The following NET1 variants were observed in gnomAD, a reference collection of about 807,000 sequenced individuals.
The protein encoded by NET1 is neuroepithelial cell transforming 1.
In NET1, 42 loss-of-function variants were observed where a neutral mutation model predicts 61.1. The ratio of observed to expected loss-of-function variants is 0.69; its 90% CI spans 0.54 to 0.89. The LOEUF (loss-of-function observed/expected upper bound fraction) is 0.89, where lower values mean the gene tolerates loss of function less well. Ranked by LOEUF, NET1 falls within the 40% of genes least tolerant of loss-of-function variation. The probability of loss-of-function intolerance (pLI) is 0.00; values close to 1 mark genes in which losing one functional copy is unlikely to be tolerated. For synonymous variants in NET1, 254 were observed against 281.8 expected (o/e 0.90, Z 0.99); for missense variants, 654 against 747.3 (o/e 0.88, Z 1.46).
At position 5,431,185 on chromosome 10, in the gene NET1, T is replaced by C. The variant is rs945689478; in HGVS notation, c.255+1956T>C. On this transcript the variant is annotated intron_variant, in intron 3 of 11. Coordinates refer to ENST00000355029, the MANE Select transcript of NET1 (RefSeq NM_001047160.3). The surrounding 1 kb of genome is among the most constrained non-coding windows in gnomAD (Gnocchi z 4.9). ...CGCGCCCGGCCTTAACTATATCTCT[T>C]AAGTCTCTTTTAGTTCATTGGTTTC... Among the ~76,000 whole-genome samples the C allele has an allele frequency of 6.6e-6, 1 of 152,212 alleles. No homozygotes were observed. The highest frequency in any genetic ancestry group is 2.1e-4 in the South Asian group (1 of 4,826).
At position 5,427,462 on chromosome 10, in the gene NET1, T is replaced by G. The variant is rs532498270; in HGVS notation, c.195+741T>G. On this transcript the variant is annotated intron_variant, in intron 2 of 11. Transcript: ENST00000355029. This position sits in a 1 kb window ranked among gnomAD's most constrained non-coding sequence, Gnocchi z 4.1. ...TCCATATTAGTCCATTCCCAGGCTC[T>G]GCTCTAACCATGTCAACAGTACCAT... Among the ~76,000 whole-genome samples, 3 of 152,316 alleles carry G rather than the reference T, an allele frequency of 2.0e-5. No individual in the cohort carries two copies. In the East Asian group the frequency reaches 5.8e-4, roughly 29 times the overall value.
rs1225994522 is a variant in NET1 at position 5,458,861 on chromosome 10, T to G, written c.*1867T>G. ...CCAGAAAGCAAGATTTCTAATCATT[T>G]CCAGAGGTGTTGTATAGAATAGTTA... On this transcript the variant is annotated 3_prime_UTR_variant, in exon 12 of 12. Transcript: ENST00000355029. This position sits in a 1 kb window ranked among gnomAD's most constrained non-coding sequence, Gnocchi z 4.5. Among the ~76,000 whole-genome samples the G allele has an allele frequency of 6.6e-6, 1 of 152,208 alleles. No individual in the cohort carries two copies. Among genetic ancestry groups the G allele is most frequent in the Non-Finnish European group, 1.5e-5 (1 of 68,034 alleles).
rs985186410 is a variant in NET1, at chr10:5,449,018, A to G, written c.256-2812A>G. ...TTTTGGTTTCGGCTCACATGGGCCAATTTCTGACGTGTATTCCGAAAGACA... is the reference window on the plus strand; with the variant it reads ...TTTTGGTTTCGGCTCACATGGGCCAGTTTCTGACGTGTATTCCGAAAGACA... On this transcript the variant is annotated intron_variant, in intron 3 of 11. Transcript: ENST00000355029. This position sits in a 1 kb window ranked among gnomAD's most constrained non-coding sequence, Gnocchi z 4.4. 2.6e-5 allele frequency among the ~76,000 whole-genome samples: 4 copies of G among 152,182 alleles called. No homozygotes were observed. The highest frequency in any genetic ancestry group is 7.2e-5 in the African/African-American group (3 of 41,448).
Position 5,444,043 on chromosome 10 carries a change from A to G in NET1, c.256-7787A>G, listed in dbSNP as rs1278863261. ...TGCTGGGGTCTAGCCTAGGCTGTTC[A>G]TATTAGCTCTGAGAATGTAGGTAGA... On this transcript the variant is annotated intron_variant, in intron 3 of 11. Transcript: ENST00000355029. This position sits in a 1 kb window ranked among gnomAD's most constrained non-coding sequence, Gnocchi z 5.3. Among the ~76,000 whole-genome samples, 1 of 152,252 alleles carries G rather than the reference A, an allele frequency of 6.6e-6. No homozygotes were observed. Among genetic ancestry groups the G allele is most frequent in the Non-Finnish European group, 1.5e-5 (1 of 68,048 alleles).
chr10:5,434,383 A>G lies in NET1; in HGVS notation c.255+5154A>G, dbSNP rs532457774. ...AGAAGTATCAGTTTCAAGAGTTTAC[A>G]TGGCCCAGACTGCTCTAACACCTAT... On this transcript the variant is annotated intron_variant, in intron 3 of 11. Coordinates refer to ENST00000355029, the MANE Select transcript of NET1 (RefSeq NM_001047160.3). 2.6e-5 allele frequency among the ~76,000 whole-genome samples: 4 copies of G among 152,306 alleles called. 1 individual carries two copies. The South Asian group carries it at 8.3e-4, about 32-fold the overall frequency.
chr10:5,422,952 G>A lies in NET1; in HGVS notation c.129-3703G>A, dbSNP rs2119170442. 6.6e-6 allele frequency among the ~76,000 whole-genome samples: 1 copy of A among 152,302 alleles called. No individual in the cohort carries two copies. Among genetic ancestry groups the A allele is most frequent in the East Asian group, 1.9e-4 (1 of 5,190 alleles). ...ACCCCAAATGTAAAAAGTGTTAACT[G>A]CAGAGGATAAATTATACCATTCTTT... is the stretch of plus-strand genomic sequence containing the variant. On this transcript the variant is annotated intron_variant, in intron 1 of 11. Transcript: ENST00000355029. The surrounding 1 kb of genome is among the most constrained non-coding windows in gnomAD (Gnocchi z 4.1).
chr10:5,419,785 T>C (rs1423818359), intron 1 of NET1, among the ~76,000 whole-genome samples: 1 of 152,190 alleles, frequency 6.6e-6, no homozygotes, highest in African/African-American at 2.4e-5. Context: ...ATAATTTTGA[T>C]AGTATAGGAT....
rs561498462 is a variant in NET1, at chr10:5,447,722, C to G, written c.256-4108C>G. Among the ~76,000 whole-genome samples the G allele has an allele frequency of 6.6e-6, 1 of 152,326 alleles. No homozygotes were observed. The highest frequency in any genetic ancestry group is 1.9e-4 in the East Asian group (1 of 5,190). ...ACACACCTTTTGGTAGTTAAAATAGCTGCCGTCTTCAGGAAGTACACTTTT... is the reference window on the plus strand; with the variant it reads ...ACACACCTTTTGGTAGTTAAAATAGGTGCCGTCTTCAGGAAGTACACTTTT... On this transcript the variant is annotated intron_variant, in intron 3 of 11. Coordinates refer to ENST00000355029, the MANE Select transcript of NET1 (RefSeq NM_001047160.3). The surrounding 1 kb of genome is among the most constrained non-coding windows in gnomAD (Gnocchi z 4.1).
Position 5,446,710 on chromosome 10 carries a change from A to T in NET1, c.256-5120A>T, listed in dbSNP as rs925471891. ...CCGTGTGCCTCTGCATAGCGTCGCT[A>T]CAGCGCTGACTCGGTGTGGATTGAT... On this transcript the variant is annotated intron_variant, in intron 3 of 11. Coordinates refer to ENST00000355029, the MANE Select transcript of NET1 (RefSeq NM_001047160.3). This position sits in a 1 kb window ranked among gnomAD's most constrained non-coding sequence, Gnocchi z 5.0. 4.7e-6 allele frequency: 7 copies of T among 1,487,132 alleles called. No homozygotes were observed. Among genetic ancestry groups the T allele is most frequent in the Non-Finnish European group, 6.3e-6 (7 of 1,105,120 alleles). The allele number at this position is 1,487,132 out of a possible 1,614,324, so 92.1% of individuals were successfully genotyped here.
At chr10:5,433,748 G>A (rs1409883899) in intron 3 of NET1, among the ~76,000 whole-genome samples, 1 of 151,360 alleles carries the variant, frequency 6.6e-6, no homozygotes, top group East Asian at 1.9e-4. Flanking sequence ...ATACCTTTTG[G>A]TATTTATTGT....
At chr10:5,428,682 C>T (rs1252656725) in intron 2 of NET1, among the ~76,000 whole-genome samples, 1 of 151,312 alleles carries the variant, frequency 6.6e-6, no homozygotes, top group East Asian at 1.9e-4. Context: ...GTATCTATTC[C>T]AAAGACAATT....
rs1247369524 is a variant in NET1 at position 5,446,564 on chromosome 10, C to T, written c.256-5266C>T. 5.0e-5 allele frequency: 58 copies of T among 1,165,752 alleles called. No individual in the cohort carries two copies. The highest frequency in any genetic ancestry group is 5.5e-5 in the Non-Finnish European group (52 of 946,084). 72.2% of individuals were successfully genotyped at this position (1,165,752 alleles called of 1,614,324 possible). A position where few individuals can be genotyped will look rare whatever the true frequency, so the allele number is the denominator to read the frequency against. On this transcript the variant is annotated intron_variant, in intron 3 of 11. Coordinates refer to ENST00000355029, the MANE Select transcript of NET1 (RefSeq NM_001047160.3). This position sits in a 1 kb window ranked among gnomAD's most constrained non-coding sequence, Gnocchi z 5.0. ...CCCCCAGGGCCCGGTTGGCTGTGGC[C>T]CCGCCCCCGAGCCCTGGGGTCGGTG...
chr10:5,417,447 C>T lies in NET1; in HGVS notation c.128+4627C>T, dbSNP rs891499710. On this transcript the variant is annotated intron_variant, in intron 1 of 11. Transcript: ENST00000355029. The surrounding 1 kb of genome is among the most constrained non-coding windows in gnomAD (Gnocchi z 5.5). ...TCCTCTACGCAGCACTTCCCTGCCC[C>T]GCTTTGTATCACTTTATTTTCAGTT... is the stretch of plus-strand genomic sequence containing the variant. Among the ~76,000 whole-genome samples, 2 of 152,036 alleles carry T rather than the reference C, an allele frequency of 1.3e-5. No individual in the cohort carries two copies. The highest frequency in any genetic ancestry group is 2.9e-5 in the Non-Finnish European group (2 of 68,004).
At position 5,451,146 on chromosome 10, in the gene NET1, T is replaced by C. The variant is rs1832696351; in HGVS notation, c.256-684T>C. Among the ~76,000 whole-genome samples the C allele has an allele frequency of 6.6e-6, 1 of 152,160 alleles. No homozygotes were observed. The highest frequency in any genetic ancestry group is 6.5e-5 in the Admixed American group (1 of 15,274). ...AAGAGAAGTGCTACTTTTAGCCCCATTTTATAGATGAGAAAACTGATGCCA... is the reference window on the plus strand; with the variant it reads ...AAGAGAAGTGCTACTTTTAGCCCCACTTTATAGATGAGAAAACTGATGCCA... On this transcript the variant is annotated intron_variant, in intron 3 of 11. Transcript: ENST00000355029. The surrounding 1 kb of genome is among the most constrained non-coding windows in gnomAD (Gnocchi z 6.1).
At chr10:5,436,186 TTGTGTGTGTGTGTGTGTGTGTG>T (rs139070024) in intron 3 of NET1, among the ~76,000 whole-genome samples, 1 of 21,296 alleles carries the variant, frequency 4.7e-5, no homozygotes, top group Non-Finnish European at 9.5e-5. Context: ...TGTGTGTGTG[TTGTGTGTGTGTGTGTGTGTGTG>T]TGTGTGTGTG....
At chr10:5,445,192 C>G (rs926735512) in intron 3 of NET1, among the ~76,000 whole-genome samples, 2 of 152,186 alleles carry the variant, frequency 1.3e-5, no homozygotes, top group Non-Finnish European at 2.9e-5. Context: ...AGTGTGGGCT[C>G]ACTCCCTTGT....
In NET1 at chr10:5,443,445, T is replaced by G. The variant is rs1832556468; in HGVS notation, c.256-8385T>G. ...TAGCACAAAGTAAGACCTTAAATTT[T>G]TCTTCTATTTTTCACCACCACCCAT... On this transcript the variant is annotated intron_variant, in intron 3 of 11. Coordinates refer to ENST00000355029, the MANE Select transcript of NET1 (RefSeq NM_001047160.3). The surrounding 1 kb of genome is among the most constrained non-coding windows in gnomAD (Gnocchi z 4.8). Among the ~76,000 whole-genome samples the G allele has an allele frequency of 1.3e-5, 2 of 152,184 alleles. No individual in the cohort carries two copies. Among genetic ancestry groups the G allele is most frequent in the African/African-American group, 4.8e-5 (2 of 41,436 alleles).
In NET1 at chr10:5,412,795, A is replaced by G; in HGVS notation, c.103A>G (p.Thr35Ala). ...GGGAGCGACGGGGCCTTCGGCCGAC[A>G]CCTCCGGGTCGGAGCTGGACGGGAG... is the stretch of plus-strand genomic sequence containing the variant. Reference protein sequence around the residue: ...TEGATGPSADTSGSELDGRCS... With the variant: ...TEGATGPSADASGSELDGRCS... Residue 35 changes from threonine (T) to alanine (A), a missense_variant, in exon 1 of 12, where the codon ACC becomes GCC. By Grantham distance (58) the Thr-to-Ala change is moderately conservative (BLOSUM62 0). Coordinates refer to ENST00000355029, the MANE Select transcript of NET1 (RefSeq NM_001047160.3). This position sits in a 1 kb window ranked among gnomAD's most constrained non-coding sequence, Gnocchi z 6.5. 1.4e-6 allele frequency: 2 copies of G among 1,439,630 alleles called. No individual in the cohort carries two copies. The highest frequency in any genetic ancestry group is 1.8e-6 in the Non-Finnish European group (2 of 1,099,798). The allele number at this position is 1,439,630 out of a possible 1,614,324, so 89.2% of individuals were successfully genotyped here.
At chr10:5,433,669 T>G (rs4880729) in intron 3 of NET1, among the ~76,000 whole-genome samples, 151,252 of 152,300 alleles carry the variant, frequency 0.99, 75,113 homozygotes, top group East Asian at 1. Flanking sequence ...AACTATGTCT[T>G]TTCAAAGTCA....
Sources: allele counts gnomAD v4.1 joint callset (sites outside exome capture counted in the v4.1 genomes callset), GRCh38; gene constraint gnomAD v4.1.1; non-coding constraint Gnocchi (gnomAD v3.1); transcripts MANE v1.5; gene names NCBI Gene and HGNC (gene_info 2026-07-23, HGNC 2026-07-21).